Variants in GAS2L1 observed in about 807,000 individuals in gnomAD.
GAS2L1 encodes growth arrest specific 2 like 1, also known as GAS2-like protein 1.
In GAS2L1, 26 loss-of-function variants were observed where a neutral mutation model predicts 44.0. The observed-to-expected ratio is 0.59, with a 90% CI of 0.43 to 0.82. The LOEUF is 0.82. Among genes scored for constraint, GAS2L1 ranks in the 40% least tolerant of loss-of-function variants. The pLI is 0.00. For synonymous variants in GAS2L1, 426 were observed against 415.9 expected, an observed-to-expected ratio of 1.02 and a Z score of -0.30; for missense variants, 1,006 against 983.0, an observed-to-expected ratio of 1.02 and a Z score of -0.31.
exon 4 of GAS2L1, chr22:29,310,974 A>C (rs959117593): frequency 1.2e-6 from 2 of 1,613,158 alleles, no homozygotes; most frequent in African/African-American, 2.7e-5. Context: ...CGAAGCACAA[A>C]GGAGGGGCCC....
At chr22:29,308,177 C>G (rs2061367252) in exon 1 of GAS2L1, 2 of 1,605,510 alleles carry the variant, frequency 1.2e-6, no homozygotes, top group Admixed American at 1.7e-5. Context: ...CCAGTGAGGC[C>G]TACGTGGAGG....
At chr22:29,308,201 C>T in exon 1 of GAS2L1, 2 of 1,608,658 alleles carry the variant, frequency 1.2e-6, no homozygotes, top group Non-Finnish European at 8.5e-7. Context: ...TGAAGGAGGA[C>T]CTGGCCGAGT....
At chr22:29,311,920 G>C in exon 5 of GAS2L1, 2 of 1,603,598 alleles carry the variant, frequency 1.2e-6, no homozygotes, top group Non-Finnish European at 1.7e-6. Flanking sequence ...CGGGTCTCCA[G>C]CCCCAGTCCA....
At chr22:29,308,096 C>G (rs1325738259) in exon 1 of GAS2L1, 4 of 1,536,536 alleles carry the variant, frequency 2.6e-6, no homozygotes, top group Non-Finnish European at 8.8e-7. Context: ...GTGACTCGGC[C>G]GGTCCGGGCA....
At chr22:29,310,717 G>A (rs1192406789) in exon 3 of GAS2L1, 3 of 1,609,534 alleles carry the variant, frequency 1.9e-6, no homozygotes, top group Non-Finnish European at 2.5e-6. Flanking sequence ...CACGACCCGT[G>A]CCGCTGCTCC....
chr22:29,309,064 G>A (rs1248420358), intron 1 of GAS2L1, among the ~76,000 whole-genome samples: 3 of 152,194 alleles, frequency 2.0e-5, no homozygotes, highest in Non-Finnish European at 4.4e-5. Context: ...CCGCATGATC[G>A]GGGCGCCTCC....
exon 4 of GAS2L1, chr22:29,310,884 C>A (rs1424520087): frequency 5.0e-6 from 8 of 1,613,208 alleles, no homozygotes; most frequent in African/African-American, 2.7e-5. Flanking sequence ...GTGTCGCCCA[C>A]CACCAGTCCC....
chr22:29,310,545 G>C (rs1204546241), exon 2 of GAS2L1: 2 of 1,601,304 alleles, frequency 1.2e-6, no homozygotes, highest in Non-Finnish European at 1.7e-6. Flanking sequence ...ATCTTTGTGC[G>C]GGTAAGGGCC....
At chr22:29,310,779 C>T in intron 3 of GAS2L1, 45 bp downstream of exon 4, 1 of 1,605,466 alleles carries the variant, frequency 6.2e-7, no homozygotes, top group Middle Eastern at 1.7e-4. Flanking sequence ...AGGGGACTTG[C>T]TTCTGTGGCT....
chr22:29,311,460 A>C lies in GAS2L1; in HGVS notation c.1011-2A>C. On this transcript the variant is annotated splice_acceptor_variant, in intron 4 of 4. Transcript: ENST00000618518. LOFTEE classifies it high-confidence loss of function. Reference sequence around the variant, plus strand: ...TCTGTCTCTATTGTCCCCCTGCCCCAGGCCCCGGGATCAGCTGCCCCCCCA... The same window carrying C: ...TCTGTCTCTATTGTCCCCCTGCCCCCGGCCCCGGGATCAGCTGCCCCCCCA... The C allele has an allele frequency of 8.2e-7, 1 of 1,226,274 alleles. No individual in the cohort carries two copies. The highest frequency in any genetic ancestry group is 1.1e-6 in the Non-Finnish European group (1 of 883,182). 76.0% of individuals were successfully genotyped at this position (1,226,274 alleles called of 1,614,324 possible). A position where few individuals can be genotyped will look rare whatever the true frequency, so the allele number is the denominator to read the frequency against.
intron 1 of GAS2L1, among the ~76,000 whole-genome samples, chr22:29,309,779 C>T (rs2061384075): frequency 6.6e-6 from 1 of 151,930 alleles, no homozygotes; most frequent in Non-Finnish European, 1.5e-5. Context: ...CCTGGCCTTC[C>T]TGTGGGCCCC....
chr22:29,310,459 C>T (rs2061391033), exon 2 of GAS2L1: 4 of 1,607,392 alleles, frequency 2.5e-6, no homozygotes, highest in African/African-American at 1.3e-5. Context: ...TTCTGGGCCG[C>T]TGCACCTGCC....
At chr22:29,309,108 T>C (rs1441088760) in intron 1 of GAS2L1, among the ~76,000 whole-genome samples, 2 of 152,194 alleles carry the variant, frequency 1.3e-5, no homozygotes, top group Non-Finnish European at 2.9e-5. Flanking sequence ...CTTAGGCAGA[T>C]GTACCCACAA....
exon 5 of GAS2L1, chr22:29,312,435 C>T (rs766737451): frequency 2.0e-4 from 306 of 1,538,536 alleles, no homozygotes; most frequent in Non-Finnish European, 2.6e-4. Context: ...ACCCGCAGAG[C>T]TGGGGACATG....
At position 29,308,580 on chromosome 22, in the gene GAS2L1, C is replaced by T; in HGVS notation, c.475C>T (p.Gln159Ter). 2 of 1,598,904 alleles carry T rather than the reference C, an allele frequency of 1.3e-6. No homozygotes were observed. The highest frequency in any genetic ancestry group is 1.7e-6 in the Non-Finnish European group (2 of 1,172,828). Residue 159 changes from glutamine (Q) to a stop codon, truncating the protein, a stop_gained, in exon 1 of 5, where the codon CAG (glutamine) becomes TAG (stop). Coordinates refer to ENST00000618518, the Ensembl canonical transcript of GAS2L1. LOFTEE classifies it high-confidence loss of function. ...GGGCCTGCTGGCCCCACGCCTCGTG[C>T]AGTTTGAGCAGGAGATTGAGCGGGA...
At chr22:29,307,438 GACGCC>G in exon 1 of GAS2L1, 1 of 152,460 alleles carries the variant, frequency 6.6e-6, no homozygotes, top group Middle Eastern at 3.4e-3. Context: ...GCGCCGCCTG[GACGCC>G]GGGCTCCTCC....
exon 5 of GAS2L1, chr22:29,312,267 A>G: frequency 3.1e-6 from 5 of 1,611,620 alleles, no homozygotes; most frequent in Non-Finnish European, 4.2e-6. Flanking sequence ...CGATGAAGGC[A>G]GCCCCTGCCC....
At chr22:29,308,667 G>A (rs774125414) in exon 1 of GAS2L1, 9 of 1,529,026 alleles carry the variant, frequency 5.9e-6, no homozygotes, top group African/African-American at 2.8e-5. Context: ...CACTGAAACC[G>A]CCCCCGCACC....
Position 29,311,966 on chromosome 22 carries a change from A to T in GAS2L1, c.1515A>T (p.Thr505=), listed in dbSNP as rs9613860. The change falls in exon 5 of 5, where the codon ACA becomes ACT. Residue 505 remains threonine, a synonymous_variant. Coordinates refer to ENST00000618518, the Ensembl canonical transcript of GAS2L1. ...CCACACCGGCCAGCATCTTCCGCAC[A>T]CCCCTGCAGCTCGACCCGCAGCAGG... 0.17 allele frequency: 266,429 copies of T among 1,608,458 alleles called. 24,326 individuals carry two copies. Among genetic ancestry groups the T allele is most frequent in the South Asian group, 0.29 (26,189 of 91,082 alleles).
Sources: gnomAD v4.1 joint callset for allele counts (sites outside exome capture counted in the v4.1 genomes callset) on GRCh38, gnomAD v4.1.1 for gene constraint, MANE v1.5 for transcripts, NCBI Gene and HGNC (gene_info 2026-07-23, HGNC 2026-07-21) for gene names.